The following WDFY1 variants were observed in gnomAD, a reference collection of about 807,000 sequenced individuals.
WDFY1 encodes the protein WD repeat and FYVE domain-containing protein 1.
WDFY1 carries 32 observed loss-of-function variants against 56.4 expected under a neutral mutation model. The observed-to-expected ratio is 0.57, with a 90% CI of 0.43 to 0.76. The LOEUF is 0.76. Ranked by LOEUF, WDFY1 falls within the 30% of genes least tolerant of loss-of-function variation. The pLI is 0.00. For missense variants in WDFY1, 480 were observed against 545.7 expected (o/e 0.88, Z 1.20); for synonymous variants, 192 against 197.3 (o/e 0.97, Z 0.23).
In WDFY1 at chr2:223,901,257, A is replaced by C; in HGVS notation, c.411T>G (p.Cys137Trp). The C allele has an allele frequency of 1.9e-6, 3 of 1,614,144 alleles. No individual in the cohort carries two copies. Among genetic ancestry groups the C allele is most frequent in the Non-Finnish European group, 2.5e-6 (3 of 1,180,020 alleles). The stretch of plus-strand genomic sequence containing the variant: ...CGCTCCGCGTGCACATCCAGCTCAC[A>C]CACTTGTCGTGGCCGGTACTGATCA... ...EWVISTGHDK[C>W]VSWMCTRSGN... is the part of the protein sequence containing the mutation. Residue 137 changes from cysteine to tryptophan, a missense_variant, in exon 5 of 12, where the codon TGT (cysteine) becomes TGG (tryptophan). Physicochemically the swap from Cys to Trp is radical, Grantham distance 215. Transcript: ENST00000233055.
In WDFY1 at chr2:223,901,164, C is replaced by T; in HGVS notation, c.485+19G>A. On this transcript the variant is annotated intron_variant, in intron 5 of 11. Transcript: ENST00000233055. ...AGCAGAGGCCAGGGGAAGGAGAGGTCCGTGGCTCTGAAGGATACTGCAGAC... is the reference window on the plus strand; with the variant it reads ...AGCAGAGGCCAGGGGAAGGAGAGGTTCGTGGCTCTGAAGGATACTGCAGAC... 2 of 1,606,350 alleles carry T rather than the reference C, an allele frequency of 1.2e-6. No individual in the cohort carries two copies. Among genetic ancestry groups the T allele is most frequent in the Non-Finnish European group, 1.7e-6 (2 of 1,175,426 alleles).
chr2:223,907,224 C>T (rs577272948), intron 3 of WDFY1, among the ~76,000 whole-genome samples: 96 of 151,232 alleles, frequency 6.3e-4, no homozygotes, highest in Non-Finnish European at 8.0e-4. Flanking sequence ...TGATCCACCC[C>T]CCTTGGCCTC....
chr2:223,930,600 C>T (rs897790264), intron 1 of WDFY1, among the ~76,000 whole-genome samples: 25 of 152,300 alleles, frequency 1.6e-4, no homozygotes, highest in Admixed American at 1.0e-3. Context: ...CAGGCATGAA[C>T]TGCCGTGCCT....
intron 3 of WDFY1, among the ~76,000 whole-genome samples, chr2:223,908,669 C>T (rs1024389947): frequency 6.6e-6 from 1 of 152,124 alleles, no homozygotes; most frequent in Non-Finnish European, 1.5e-5. Context: ...CGGCAGCCAC[C>T]GTTGTAGTTT....
At chr2:223,918,180 G>C (rs1046389798) in intron 1 of WDFY1, among the ~76,000 whole-genome samples, 170 bp from the exon 2 acceptor site, 13 of 151,608 alleles carry the variant, frequency 8.6e-5, no homozygotes, top group African/African-American at 2.4e-4. Flanking sequence ...TACATATATA[G>C]TATATAACAT....
At chr2:223,880,083 C>A (rs1559160909) in intron 11 of WDFY1, 41 bp downstream of exon 11, 5 of 1,531,056 alleles carry the variant, frequency 3.3e-6, no homozygotes, top group Non-Finnish European at 4.5e-6. Context: ...TGGTAATAGG[C>A]AATCTCAACT....
intron 1 of WDFY1, among the ~76,000 whole-genome samples, chr2:223,921,429 C>T (rs1693882935): frequency 6.6e-6 from 1 of 151,994 alleles, no homozygotes; most frequent in African/African-American, 2.4e-5. Context: ...AGAGAAATGA[C>T]TCACTTTCTT....
At chr2:223,938,194 A>G (rs541612006) in intron 1 of WDFY1, among the ~76,000 whole-genome samples, 11 of 152,344 alleles carry the variant, frequency 7.2e-5, no homozygotes, top group Admixed American at 5.9e-4. Flanking sequence ...GCAGAAACCA[A>G]TCTTGGCCTA....
At chr2:223,944,859 C>T (rs1437208179) in intron 1 of WDFY1, among the ~76,000 whole-genome samples, 34 of 103,302 alleles carry the variant, frequency 3.3e-4, no homozygotes, top group Non-Finnish European at 4.0e-5. Context: ...CGGGCTTGGG[C>T]GGCGCGGTGA....
chr2:223,944,730 G>A (rs572549401), intron 1 of WDFY1, among the ~76,000 whole-genome samples: 5 of 147,798 alleles, frequency 3.4e-5, no homozygotes, highest in East Asian at 2.1e-4. Flanking sequence ...GGAGGGGCGC[G>A]TTGGGGAGCA....
At chr2:223,902,472 G>A (rs1397004024) in intron 4 of WDFY1, among the ~76,000 whole-genome samples, 1 of 152,136 alleles carries the variant, frequency 6.6e-6, no homozygotes, top group Admixed American at 6.6e-5. Context: ...GGCTGAGATG[G>A]GAGGATCCCT....
At position 223,933,273 on chromosome 2, in the gene WDFY1, G is replaced by C. The variant is rs546279709; in HGVS notation, c.137+11875C>G. On this transcript the variant is annotated intron_variant, in intron 1 of 11. Coordinates refer to ENST00000233055, the MANE Select transcript of WDFY1 (RefSeq NM_020830.5). ...TTTTATCCAGGGAAGAAGCCACTGG[G>C]TGGCCCCAGCATTTGCACCCCCTTT... 2.3e-4 allele frequency among the ~76,000 whole-genome samples: 35 copies of C among 151,852 alleles called. 1 individual carries two copies. Among genetic ancestry groups the C allele is most frequent in the Admixed American group, 2.2e-3 (34 of 15,250 alleles).
chr2:223,910,200 C>T (rs556704921), intron 3 of WDFY1, among the ~76,000 whole-genome samples: 2 of 152,226 alleles, frequency 1.3e-5, no homozygotes, highest in South Asian at 4.1e-4. Flanking sequence ...AACTGGATGT[C>T]CACATACAGA....
chr2:223,881,966 C>T lies in WDFY1; in HGVS notation c.1040G>A (p.Cys347Tyr). The T allele has an allele frequency of 1.2e-6, 2 of 1,613,916 alleles. No individual in the cohort carries two copies. Among genetic ancestry groups the T allele is most frequent in the African/African-American group, 1.3e-5 (1 of 75,048 alleles). The change falls in exon 10 of 12, where the codon TGT becomes TAT. Residue 347 changes from cysteine (C) to tyrosine (Y), a missense_variant. Transcript: ENST00000233055. ...FEFQVRVCDS[C>Y]YDSIKDEDRT... is the part of the protein sequence containing the mutation. ...CTCTTCATCTTTGATGGAGTCGTAA[C>T]AAGAATCACAAACCCGGACTTGGAA...
At chr2:223,906,888 A>C (rs1237574467) in intron 3 of WDFY1, among the ~76,000 whole-genome samples, 1 of 151,918 alleles carries the variant, frequency 6.6e-6, no homozygotes, top group East Asian at 1.9e-4. Flanking sequence ...GTTTTATTGC[A>C]AAAAAATCAA....
At chr2:223,884,599 T>TA (rs1315303564) in intron 9 of WDFY1, 49 bp downstream of exon 9, 3 of 1,562,490 alleles carry the variant, frequency 1.9e-6, no homozygotes, top group Non-Finnish European at 2.6e-6. Flanking sequence ...AGTATGCAAA[T>TA]AGTGAAATAC....
chr2:223,927,508 C>T (rs1306518025), intron 1 of WDFY1, among the ~76,000 whole-genome samples: 1 of 152,210 alleles, frequency 6.6e-6, no homozygotes, highest in East Asian at 1.9e-4. Flanking sequence ...CCTCACCCCT[C>T]TCAGGCTTCA....
chr2:223,933,790 C>G (rs941354078), intron 1 of WDFY1, among the ~76,000 whole-genome samples: 6 of 97,438 alleles, frequency 6.2e-5, no homozygotes, highest in East Asian at 2.3e-4. Flanking sequence ...GACCCCCCCC[C>G]ATCTCTACAA....
At chr2:223,913,554 T>C (rs1693738827) in intron 2 of WDFY1, among the ~76,000 whole-genome samples, 2 of 152,194 alleles carry the variant, frequency 1.3e-5, no homozygotes, top group South Asian at 4.1e-4. Context: ...CAAAGATATA[T>C]ATACATATCT....
Sources: gnomAD v4.1 joint callset for allele counts (sites outside exome capture counted in the v4.1 genomes callset) on GRCh38, gnomAD v4.1.1 for gene constraint, MANE v1.5 for transcripts, NCBI Gene and HGNC (gene_info 2026-07-23, HGNC 2026-07-21) for gene names.